FGF14: variants seen among roughly 807,000 people sequenced by gnomAD.
FGF14 encodes fibroblast growth factor homologous factor 4.
A neutral mutation model predicts 25.5 loss-of-function variants in FGF14; 5 were observed. The ratio of observed to expected loss-of-function variants is 0.20; its 90% CI spans 0.10 to 0.41. The LOEUF (loss-of-function observed/expected upper bound fraction) is 0.41, where lower values mean the gene tolerates loss of function less well. FGF14 is among the 10% of genes least tolerant of loss of function. FGF14 has a pLI of 1.00. For missense variants in FGF14, 222 were observed against 320.1 expected, an observed-to-expected ratio of 0.69 and a Z score of 2.34; for synonymous variants, 138 against 118.3, an observed-to-expected ratio of 1.17 and a Z score of -1.08.
intron 1 of FGF14, among the ~76,000 whole-genome samples, chr13:102,048,925 G>A (rs539202935): frequency 3.9e-5 from 6 of 151,986 alleles, no homozygotes; most frequent in Admixed American, 6.6e-5. Context: ...TATTTAAATC[G>A]GAATAACTTC....
chr13:102,342,093 A>C lies in FGF14; in HGVS notation c.208+59378T>G, dbSNP rs573545501. 5.9e-5 allele frequency among the ~76,000 whole-genome samples: 9 copies of C among 152,344 alleles called. No homozygotes were observed. The East Asian group carries it at 1.7e-3, about 29-fold the overall frequency. On this transcript the variant is annotated intron_variant, in intron 1 of 4. Coordinates refer to the FGF14 transcript ENST00000376131. ...CAGTGTTTTCTGATACTTTTAAGGC[A>C]ACACCTACAAGTTTAAAGCCATTTA...
chr13:101,784,857 G>A (rs929231806), intron 3 of FGF14, among the ~76,000 whole-genome samples: 6 of 152,152 alleles, frequency 3.9e-5, no homozygotes, highest in Non-Finnish European at 8.8e-5. Flanking sequence ...CACTGCATAC[G>A]CAATCTATGG....
chr13:102,053,424 T>A (rs1242751911), intron 1 of FGF14, among the ~76,000 whole-genome samples: 1 of 151,738 alleles, frequency 6.6e-6, no homozygotes, highest in Non-Finnish European at 1.5e-5. Flanking sequence ...CAAAAGAAAA[T>A]TCAGAAAATT....
chr13:101,740,578 G>C (rs1470319869), intron 3 of FGF14, among the ~76,000 whole-genome samples: 1 of 152,044 alleles, frequency 6.6e-6, no homozygotes, highest in Non-Finnish European at 1.5e-5. Context: ...CAGTGTGCAG[G>C]TTTCTAGCCT....
At chr13:102,261,733 A>T (rs1160211405) in intron 1 of FGF14, among the ~76,000 whole-genome samples, 3 of 152,226 alleles carry the variant, frequency 2.0e-5, no homozygotes, top group Non-Finnish European at 4.4e-5. Context: ...ATTTTCAAAG[A>T]CTTTCATAAG....
intron 1 of FGF14, among the ~76,000 whole-genome samples, chr13:101,885,496 T>A (rs1484016066): frequency 6.6e-6 from 1 of 152,140 alleles, no homozygotes; most frequent in African/African-American, 2.4e-5. Context: ...GCCATACTTT[T>A]AATTTCTAAA....
chr13:102,375,759 A>G (rs1329964991), intron 1 of FGF14, among the ~76,000 whole-genome samples: 2 of 152,226 alleles, frequency 1.3e-5, no homozygotes, highest in Non-Finnish European at 2.9e-5. Context: ...CAATTAAAGT[A>G]TCAATAAAAG....
At chr13:101,908,841 T>C (rs772397951) in intron 1 of FGF14, among the ~76,000 whole-genome samples, 47 of 152,158 alleles carry the variant, frequency 3.1e-4, no homozygotes, top group Non-Finnish European at 5.9e-4. Context: ...CTTCAAACTA[T>C]ACTACAAGGC....
intron 1 of FGF14, among the ~76,000 whole-genome samples, chr13:101,952,166 T>C (rs2036209200): frequency 6.6e-6 from 1 of 152,176 alleles, no homozygotes; most frequent in African/African-American, 2.4e-5. Flanking sequence ...TCCCACTTCA[T>C]AGATAAGAAT....
chr13:102,216,048 T>C (rs538891784), intron 1 of FGF14, among the ~76,000 whole-genome samples: 29 of 152,204 alleles, frequency 1.9e-4, no homozygotes, highest in African/African-American at 6.7e-4. Context: ...GGCAAGAGAC[T>C]AAAGGGTGCA....
intron 1 of FGF14, among the ~76,000 whole-genome samples, chr13:102,135,054 C>A (rs1268555488): frequency 1.4e-5 from 2 of 138,774 alleles, no homozygotes; most frequent in African/African-American, 5.8e-5. Flanking sequence ...CACACACACA[C>A]ACACACAAAT....
At chr13:101,987,627 C>T (rs1026655742) in intron 1 of FGF14, among the ~76,000 whole-genome samples, 2 of 152,010 alleles carry the variant, frequency 1.3e-5, no homozygotes, top group African/African-American at 2.4e-5. Context: ...TTATTACCTC[C>T]AAGAGAGCAT....
At chr13:102,136,671 A>C (rs1223724730) in intron 1 of FGF14, among the ~76,000 whole-genome samples, 2 of 152,174 alleles carry the variant, frequency 1.3e-5, no homozygotes, top group South Asian at 2.1e-4. Flanking sequence ...GAAAAAAAAA[A>C]AAAAAACCTG....
At chr13:102,109,183 A>G (rs558729343) in intron 1 of FGF14, among the ~76,000 whole-genome samples, 4 of 152,282 alleles carry the variant, frequency 2.6e-5, no homozygotes, top group African/African-American at 9.6e-5. Flanking sequence ...ATTCGAACTC[A>G]ATTATAATTA....
intron 1 of FGF14, among the ~76,000 whole-genome samples, chr13:102,022,159 T>C (rs73565715): frequency 0.032 from 4,812 of 152,076 alleles, 244 homozygotes; most frequent in African/African-American, 0.11. Context: ...TACTAAACAG[T>C]CAAAAAGAGC....
At chr13:102,009,903 T>A (rs1423670165) in intron 1 of FGF14, among the ~76,000 whole-genome samples, 2 of 152,154 alleles carry the variant, frequency 1.3e-5, no homozygotes, top group African/African-American at 4.8e-5. Flanking sequence ...ACAAAGATGA[T>A]ACAAAGAATG....
intron 1 of FGF14, among the ~76,000 whole-genome samples, chr13:101,879,617 C>A (rs1053954203): frequency 6.6e-6 from 1 of 152,136 alleles, no homozygotes; most frequent in Non-Finnish European, 1.5e-5. Context: ...AAAATGTACA[C>A]TATGACATAT....
At chr13:102,356,948 TACACACAAACAG>T in intron 1 of FGF14, among the ~76,000 whole-genome samples, 1 of 148,502 alleles carries the variant, frequency 6.7e-6, no homozygotes, top group African/African-American at 2.5e-5. Flanking sequence ...TATATATATA[TACACACAAACAG>T]ATATTCATAT....
chr13:101,816,544 A>G (rs2041858685), intron 3 of FGF14, among the ~76,000 whole-genome samples: 1 of 152,164 alleles, frequency 6.6e-6, no homozygotes, highest in Non-Finnish European at 1.5e-5. Context: ...AAAGCCCTAC[A>G]GCTACAGAGA....
Sources: gnomAD v4.1 joint callset for allele counts (sites outside exome capture counted in the v4.1 genomes callset) on GRCh38, gnomAD v4.1.1 for gene constraint, MANE v1.5 for transcripts, NCBI Gene and HGNC (gene_info 2026-07-23, HGNC 2026-07-21) for gene names.